The following SNX13 variants were observed in gnomAD, a reference collection of about 807,000 sequenced individuals.
The protein encoded by SNX13 is sorting nexin 13.
Under a neutral mutation model 133.6 loss-of-function variants are expected in SNX13, and 45 were observed. The ratio of observed to expected loss-of-function variants is 0.34; its 90% CI spans 0.27 to 0.43. The LOEUF is 0.43. SNX13 is among the 20% of genes least tolerant of loss of function. The pLI is 1.00. For missense variants in SNX13, 1,032 were observed against 1,145.1 expected, an observed-to-expected ratio of 0.90 and a Z score of 1.43; for synonymous variants, 414 against 373.9, an observed-to-expected ratio of 1.11 and a Z score of -1.24.
intron 21 of SNX13, among the ~76,000 whole-genome samples, chr7:17,802,903 T>C (rs551276366): frequency 4.6e-5 from 7 of 152,226 alleles, no homozygotes; most frequent in South Asian, 2.1e-4. Flanking sequence ...AAAATCTCCC[T>C]GTGAAATTCT....
At chr7:17,826,907 C>T (rs1787971386) in intron 16 of SNX13, among the ~76,000 whole-genome samples, 1 of 152,100 alleles carries the variant, frequency 6.6e-6, no homozygotes, top group South Asian at 2.1e-4. Flanking sequence ...GAAAAGACTG[C>T]TTCCAAGTTT....
At chr7:17,906,351 C>A (rs1013906327) in intron 1 of SNX13, among the ~76,000 whole-genome samples, 8 of 152,062 alleles carry the variant, frequency 5.3e-5, no homozygotes, top group Non-Finnish European at 1.0e-4. Context: ...CTTTTATCAT[C>A]CCTAACATTA....
chr7:17,814,109 T>C (rs2128297056), intron 20 of SNX13, among the ~76,000 whole-genome samples: 1 of 152,344 alleles, frequency 6.6e-6, no homozygotes, highest in Admixed American at 6.5e-5. Context: ...TTGCTATTAT[T>C]ACTAAGAGCA....
chr7:17,857,188 A>C (rs1792015376), intron 9 of SNX13, among the ~76,000 whole-genome samples: 1 of 152,212 alleles, frequency 6.6e-6, no homozygotes, highest in Admixed American at 6.5e-5. Context: ...TAAACCATAA[A>C]GAAATAGAAA....
rs58627808 is a variant in SNX13, at chr7:17,815,880, T to TA, written c.1953+301dup. Among the ~76,000 whole-genome samples the TA allele has an allele frequency of 1.3e-4, 19 of 151,130 alleles. No homozygotes were observed. In the East Asian group the frequency reaches 1.4e-3, roughly 11 times the overall value. ...TACATGACACAGACATTTAGCACTTTAAAAAAAAAATTCAAATGTTTGAGC... is the reference window on the plus strand; with the variant it reads ...TACATGACACAGACATTTAGCACTTTAAAAAAAAAAATTCAAATGTTTGAGC... On this transcript the variant is annotated intron_variant, in intron 19 of 25. Transcript: ENST00000428135.
At chr7:17,874,079 G>C (rs961809570) in intron 7 of SNX13, among the ~76,000 whole-genome samples, 2 of 152,120 alleles carry the variant, frequency 1.3e-5, no homozygotes, top group African/African-American at 4.8e-5. Context: ...ATTTAAGAGA[G>C]CTCAACTTAC....
intron 16 of SNX13, among the ~76,000 whole-genome samples, chr7:17,829,500 C>A (rs1484254226): frequency 6.6e-6 from 1 of 151,322 alleles, no homozygotes; most frequent in Admixed American, 6.6e-5. Flanking sequence ...GTAAAACTGT[C>A]TAAACTTACA....
intron 11 of SNX13, among the ~76,000 whole-genome samples, chr7:17,848,132 G>A (rs374644956): frequency 6.6e-6 from 1 of 152,236 alleles, no homozygotes; most frequent in African/African-American, 2.4e-5. Flanking sequence ...TCAGCTGGTA[G>A]CCGGGACTAC....
At position 17,850,336 on chromosome 7, in the gene SNX13, A is replaced by G. The variant is rs1301713706; in HGVS notation, c.1065+11T>C. ...TATAACTAAACGTTAATTCAAAACT[A>G]CTTTACTTACTTTGCCTGACTGCAA... On this transcript the variant is annotated intron_variant, in intron 11 of 25. Transcript: ENST00000428135. The G allele has an allele frequency of 5.1e-6, 8 of 1,562,194 alleles. No homozygotes were observed. The African/African-American group carries it at 6.8e-5, about 13-fold the overall frequency.
intron 1 of SNX13, among the ~76,000 whole-genome samples, chr7:17,925,777 G>A (rs1800676767): frequency 6.6e-6 from 1 of 150,602 alleles, no homozygotes; most frequent in South Asian, 2.1e-4. Context: ...AGAGGACGAA[G>A]AAGGGGAAAA....
chr7:17,921,546 T>C (rs966214257), intron 1 of SNX13, among the ~76,000 whole-genome samples: 2 of 152,168 alleles, frequency 1.3e-5, no homozygotes, highest in African/African-American at 4.8e-5. Context: ...CTTTCATTAA[T>C]CATGTACCCA....
chr7:17,909,164 C>T (rs191421758), intron 1 of SNX13, among the ~76,000 whole-genome samples: 23 of 152,136 alleles, frequency 1.5e-4, no homozygotes, highest in African/African-American at 4.8e-4. Flanking sequence ...TACCATCTCA[C>T]GCCAGTCAGA....
intron 18 of SNX13, among the ~76,000 whole-genome samples, chr7:17,821,289 G>A (rs1787252389): frequency 1.3e-5 from 2 of 152,122 alleles, no homozygotes; most frequent in African/African-American, 2.4e-5. Flanking sequence ...GTATACTCTT[G>A]ATAGTCTGTC....
At chr7:17,812,382 C>G (rs1165168582) in intron 20 of SNX13, among the ~76,000 whole-genome samples, 1 of 151,916 alleles carries the variant, frequency 6.6e-6, no homozygotes, top group Admixed American at 6.6e-5. Flanking sequence ...ATGCAGCCAA[C>G]AAACATGAAA....
chr7:17,912,555 C>T (rs1387872504), intron 1 of SNX13, among the ~76,000 whole-genome samples: 2 of 151,960 alleles, frequency 1.3e-5, no homozygotes, highest in African/African-American at 4.8e-5. Context: ...GGATTACAGG[C>T]GCCCACCACC....
intron 17 of SNX13, among the ~76,000 whole-genome samples, chr7:17,824,427 TA>T (rs1157442126): frequency 1.3e-5 from 2 of 152,182 alleles, no homozygotes. Flanking sequence ...GTCCAGTTGG[TA>T]AAATAAGTAT....
chr7:17,915,378 C>A (rs943613893), intron 1 of SNX13, among the ~76,000 whole-genome samples: 2 of 152,194 alleles, frequency 1.3e-5, no homozygotes, highest in East Asian at 1.9e-4. Context: ...GCCCCCTGGG[C>A]GGCACTGGGG....
intron 5 of SNX13, among the ~76,000 whole-genome samples, chr7:17,884,973 C>G (rs919207462): frequency 6.6e-6 from 1 of 152,136 alleles, no homozygotes; most frequent in Non-Finnish European, 1.5e-5. Flanking sequence ...ACTGATCATA[C>G]AATCCAGAAA....
chr7:17,886,551 C>A (rs1410320595), intron 5 of SNX13, among the ~76,000 whole-genome samples: 2 of 151,766 alleles, frequency 1.3e-5, no homozygotes, highest in Admixed American at 1.3e-4. Context: ...GATCATGCCA[C>A]TGCACTCCAG....
Sources: allele counts gnomAD v4.1 joint callset (sites outside exome capture counted in the v4.1 genomes callset), GRCh38; gene constraint gnomAD v4.1.1; transcripts MANE v1.5; gene names NCBI Gene and HGNC (gene_info 2026-07-23, HGNC 2026-07-21).